The following CTNND2 variants were observed in gnomAD, a reference collection of about 807,000 sequenced individuals.
CTNND2 encodes catenin delta 2.
In CTNND2, 22 loss-of-function variants were observed where a neutral mutation model predicts 144.4. The observed-to-expected ratio is 0.15, with a 90% CI of 0.11 to 0.22. CTNND2 has a LOEUF of 0.22. Ranked by LOEUF, CTNND2 falls within the 10% of genes least tolerant of loss-of-function variation. The pLI is 1.00. For synonymous variants in CTNND2, 751 were observed against 695.6 expected, an observed-to-expected ratio of 1.08 and a Z score of -1.25; for missense variants, 1,353 against 1,618.8, an observed-to-expected ratio of 0.84 and a Z score of 2.82.
chr5:11,580,662 T>C (rs1416455258), intron 2 of CTNND2, among the ~76,000 whole-genome samples: 1 of 152,188 alleles, frequency 6.6e-6, no homozygotes, highest in Non-Finnish European at 1.5e-5. Flanking sequence ...AGTTTCTCAA[T>C]GAAAGTTGAC....
At chr5:11,110,805 AG>A (rs2149684507) in intron 14 of CTNND2, 52 bp downstream of exon 14, 2 of 1,524,006 alleles carry the variant, frequency 1.3e-6, no homozygotes, top group African/African-American at 2.7e-5. Flanking sequence ...GATATATTAC[AG>A]TTGCAATTAG....
intron 2 of CTNND2, among the ~76,000 whole-genome samples, chr5:11,691,134 G>A (rs1561698441): frequency 6.6e-6 from 1 of 152,116 alleles, no homozygotes; most frequent in Admixed American, 6.5e-5. Context: ...CACTTCGGGA[G>A]GCCGAGGCGG....
intron 8 of CTNND2, among the ~76,000 whole-genome samples, chr5:11,355,375 G>A: frequency 6.6e-6 from 1 of 152,102 alleles, no homozygotes; most frequent in Middle Eastern, 3.4e-3. Context: ...ATAAATAAAT[G>A]TGATATATCA....
rs563645376 is a variant in CTNND2, at chr5:10,973,999, C to T, written c.3418-286G>A. ...TTGAAGTGTAAGATTAATTAGGTGG[C>T]ATTAAGAACATTCACAGTGTTGTGC... On this transcript the variant is annotated intron_variant, in intron 21 of 21. Transcript: ENST00000304623. The surrounding 1 kb of genome is among the most constrained non-coding windows in gnomAD (Gnocchi z 5.6). Among the ~76,000 whole-genome samples the T allele has an allele frequency of 1.3e-5, 2 of 152,314 alleles. No homozygotes were observed. The highest frequency in any genetic ancestry group is 3.9e-4 in the East Asian group (2 of 5,186).
Position 10,988,078 on chromosome 5 carries a change from A to C in CTNND2, c.3343+33T>G, listed in dbSNP as rs879087490. ...TGCCTTGTCGCGGGTCAAGCCACCA[A>C]GTTCCAGGAGGGGGCGCGCGAGGGG... On this transcript the variant is annotated intron_variant, in intron 20 of 21. Transcript: ENST00000304623. This position sits in a 1 kb window ranked among gnomAD's most constrained non-coding sequence, Gnocchi z 5.9. 3 of 1,613,114 alleles carry C rather than the reference A, an allele frequency of 1.9e-6. No individual in the cohort carries two copies. The South Asian group carries it at 3.3e-5, about 18-fold the overall frequency.
intron 10 of CTNND2, among the ~76,000 whole-genome samples, chr5:11,234,743 T>A (rs1025336393): frequency 6.6e-6 from 1 of 152,230 alleles, no homozygotes; most frequent in African/African-American, 2.4e-5. Context: ...CTGCATTGCC[T>A]GGCCGGGTGA....
intron 3 of CTNND2, among the ~76,000 whole-genome samples, chr5:11,476,034 AT>A (rs376732931): frequency 0.039 from 5,204 of 132,146 alleles, 243 homozygotes; most frequent in African/African-American, 0.13. Context: ...TAATTTTTCT[AT>A]TTTTTTTTTT....
intron 12 of CTNND2, among the ~76,000 whole-genome samples, chr5:11,155,205 A>T (rs1758108045): frequency 6.6e-6 from 1 of 152,174 alleles, no homozygotes; most frequent in African/African-American, 2.4e-5. Context: ...GAAGGTGATG[A>T]TTATAGCGGC....
intron 1 of CTNND2, among the ~76,000 whole-genome samples, chr5:11,872,835 C>T (rs576222369): frequency 6.6e-6 from 1 of 151,976 alleles, no homozygotes. Flanking sequence ...CTTCCTTATA[C>T]CTTATACAAA....
chr5:11,139,858 C>T (rs980793592), intron 12 of CTNND2, among the ~76,000 whole-genome samples: 29 of 152,194 alleles, frequency 1.9e-4, no homozygotes, highest in Non-Finnish European at 3.2e-4. Context: ...CTTCTGGGGG[C>T]TCCAGGGGAG....
chr5:11,684,290 G>A (rs1784549267), intron 2 of CTNND2, among the ~76,000 whole-genome samples: 2 of 151,972 alleles, frequency 1.3e-5, no homozygotes, highest in South Asian at 2.1e-4. Context: ...TTTTAGTGGA[G>A]ACGGGGTTTC....
At chr5:11,300,752 C>T (rs1478910920) in intron 9 of CTNND2, among the ~76,000 whole-genome samples, 2 of 151,984 alleles carry the variant, frequency 1.3e-5, no homozygotes, top group African/African-American at 4.8e-5. Flanking sequence ...TATCTGGCTA[C>T]CTTAGACCCT....
At chr5:11,349,864 T>C (rs1580982906) in intron 8 of CTNND2, among the ~76,000 whole-genome samples, 1 of 152,340 alleles carries the variant, frequency 6.6e-6, no homozygotes, top group South Asian at 2.1e-4. Context: ...TAATCTACAC[T>C]ATTTCTCATT....
chr5:11,244,252 A>G (rs1457585827), intron 9 of CTNND2, among the ~76,000 whole-genome samples: 5 of 151,758 alleles, frequency 3.3e-5, no homozygotes, highest in African/African-American at 9.7e-5. Context: ...GATAGTTTGT[A>G]ACTAAAAACA....
At chr5:11,866,339 T>C (rs1795768794) in intron 1 of CTNND2, among the ~76,000 whole-genome samples, 1 of 152,180 alleles carries the variant, frequency 6.6e-6, no homozygotes, top group African/African-American at 2.4e-5. Flanking sequence ...TGTGATGTTT[T>C]AGGCCATGAA....
chr5:11,822,805 G>C (rs1164199649), intron 1 of CTNND2, among the ~76,000 whole-genome samples: 1 of 152,130 alleles, frequency 6.6e-6, no homozygotes, highest in Non-Finnish European at 1.5e-5. Context: ...ACCACTAGGT[G>C]AGAATGGAAG....
At chr5:11,021,706 T>C (rs1293120519) in intron 17 of CTNND2, among the ~76,000 whole-genome samples, 2 of 152,002 alleles carry the variant, frequency 1.3e-5, no homozygotes, top group African/African-American at 2.4e-5. Context: ...ATTGGTACTA[T>C]CCTGAATTAA....
intron 10 of CTNND2, among the ~76,000 whole-genome samples, chr5:11,208,576 T>G (rs1212801872): frequency 6.6e-6 from 1 of 152,170 alleles, no homozygotes. Flanking sequence ...TACCTAGAAT[T>G]AGTAATAACA....
chr5:11,346,632 G>A lies in CTNND2; in HGVS notation c.1373-5C>T, dbSNP rs1016602829. ...CGACACCAGGGGAAGATGGGGCTAC[G>A]ACAGGAAAGTAGGGACAAAGTAAAA... On this transcript the variant is annotated splice_region_variant and splice_polypyrimidine_tract_variant and intron_variant, in intron 8 of 21. Transcript: ENST00000304623. The A allele has an allele frequency of 6.8e-7, 1 of 1,473,434 alleles. No homozygotes were observed. The highest frequency in any genetic ancestry group is 2.6e-5 in the East Asian group (1 of 39,106). 91.3% of individuals were successfully genotyped at this position (1,473,434 alleles called of 1,614,324 possible).
Sources: gnomAD v4.1 joint callset for allele counts (sites outside exome capture counted in the v4.1 genomes callset) on GRCh38, gnomAD v4.1.1 for gene constraint, Gnocchi (gnomAD v3.1) non-coding constraint, MANE v1.5 for transcripts, NCBI Gene and HGNC (gene_info 2026-07-23, HGNC 2026-07-21) for gene names.